TCERG1L: variants seen among roughly 807,000 people sequenced by gnomAD.
The protein encoded by TCERG1L is transcription elongation regulator 1 like, also known as transcription elongation regulator 1-like protein.
In TCERG1L, 37 loss-of-function variants were observed where a neutral mutation model predicts 56.3. The observed-to-expected ratio is 0.66, with a 90% CI of 0.51 to 0.87. TCERG1L has a LOEUF of 0.87. Among genes scored for constraint, TCERG1L ranks in the 40% least tolerant of loss-of-function variants. The pLI, the probability that TCERG1L is intolerant of heterozygous loss-of-function variation, is 0.00. For synonymous variants in TCERG1L, 324 were observed against 326.3 expected, an observed-to-expected ratio of 0.99 and a Z score of 0.08; for missense variants, 799 against 774.2, an observed-to-expected ratio of 1.03 and a Z score of -0.38.
intron 3 of TCERG1L, among the ~76,000 whole-genome samples, chr10:131,263,618 G>GT (rs2133546394): frequency 6.6e-6 from 1 of 152,268 alleles, no homozygotes; most frequent in South Asian, 2.1e-4. Flanking sequence ...CACCTCCATC[G>GT]TAATAGGTGC....
intron 4 of TCERG1L, among the ~76,000 whole-genome samples, chr10:131,168,049 T>G (rs1021546421): frequency 1.3e-5 from 2 of 152,154 alleles, no homozygotes; most frequent in African/African-American, 4.8e-5. Context: ...TTGTTTAGCT[T>G]GATCCAGAGC....
intron 9 of TCERG1L, among the ~76,000 whole-genome samples, chr10:131,110,911 C>G (rs1009990579): frequency 1.6e-5 from 2 of 127,624 alleles, no homozygotes; most frequent in Admixed American, 7.6e-5. Context: ...ACGGACAGGA[C>G]ACGACTGGAT....
chr10:131,125,029 T>C (rs899425020), intron 8 of TCERG1L, among the ~76,000 whole-genome samples: 1 of 152,248 alleles, frequency 6.6e-6, no homozygotes, highest in African/African-American at 2.4e-5. Context: ...ACAACCCCAC[T>C]GTCCAGGTGG....
At chr10:131,203,736 T>C (rs1321452626) in intron 4 of TCERG1L, among the ~76,000 whole-genome samples, 1 of 152,188 alleles carries the variant, frequency 6.6e-6, no homozygotes, top group Non-Finnish European at 1.5e-5. Context: ...AACTGCTGCT[T>C]CTGCTCACAT....
chr10:131,281,065 T>G (rs1020594781), intron 3 of TCERG1L, among the ~76,000 whole-genome samples: 7 of 152,226 alleles, frequency 4.6e-5, no homozygotes, highest in African/African-American at 9.6e-5. Flanking sequence ...GAAAATTCTT[T>G]TTCTCTTATC....
At chr10:131,285,469 A>G (rs1383625264) in intron 3 of TCERG1L, among the ~76,000 whole-genome samples, 1 of 11,680 alleles carries the variant, frequency 8.6e-5, no homozygotes, top group African/African-American at 2.4e-4. Flanking sequence ...GAAAGGGAAG[A>G]AAGAAAGAAA....
At chr10:131,303,155 G>C (rs1846784434) in intron 3 of TCERG1L, among the ~76,000 whole-genome samples, 1 of 152,050 alleles carries the variant, frequency 6.6e-6, no homozygotes, top group Non-Finnish European at 1.5e-5. Flanking sequence ...TAATGAGATT[G>C]CTGGTTCAAA....
chr10:131,256,584 C>G (rs1846166171), intron 4 of TCERG1L, among the ~76,000 whole-genome samples: 1 of 152,016 alleles, frequency 6.6e-6, no homozygotes, highest in Non-Finnish European at 1.5e-5. Context: ...TGCTGTCTTT[C>G]TTAAAAGAAG....
At chr10:131,204,651 T>C (rs1385498737) in intron 4 of TCERG1L, among the ~76,000 whole-genome samples, 1 of 152,174 alleles carries the variant, frequency 6.6e-6, no homozygotes, top group Non-Finnish European at 1.5e-5. Context: ...AGGACATCTG[T>C]CCAGTGTCCT....
Position 131,267,755 on chromosome 10 carries a change from C to T in TCERG1L, c.671-7311G>A, listed in dbSNP as rs1846301178. On this transcript the variant is annotated intron_variant, in intron 3 of 11. Coordinates refer to ENST00000368642, the MANE Select transcript of TCERG1L (RefSeq NM_174937.4). This position sits in a 1 kb window ranked among gnomAD's most constrained non-coding sequence, Gnocchi z 4.9. ...GTGGCACAGTTGGCTGCCTTGGGGACATGGGGCACAGGGAACCCCACTGCT... is the reference window on the plus strand; with the variant it reads ...GTGGCACAGTTGGCTGCCTTGGGGATATGGGGCACAGGGAACCCCACTGCT... Among the ~76,000 whole-genome samples the T allele has an allele frequency of 1.3e-5, 2 of 152,198 alleles. No individual in the cohort carries two copies. The highest frequency in any genetic ancestry group is 1.3e-4 in the Admixed American group (2 of 15,276).
At chr10:131,156,399 T>C (rs1426099076) in intron 6 of TCERG1L, 1 of 151,840 alleles carries the variant, frequency 6.6e-6, no homozygotes, top group Non-Finnish European at 1.5e-5. Flanking sequence ...GAAAATGAAG[T>C]CACAACTAAG....
intron 6 of TCERG1L, among the ~76,000 whole-genome samples, chr10:131,153,709 G>A (rs768436689): frequency 3.9e-5 from 6 of 152,208 alleles, no homozygotes; most frequent in Admixed American, 3.3e-4. Flanking sequence ...GGTGCATTCC[G>A]ATGCTGGGAG....
intron 4 of TCERG1L, among the ~76,000 whole-genome samples, chr10:131,171,029 C>T (rs1399621329): frequency 1.3e-5 from 2 of 151,970 alleles, no homozygotes; most frequent in East Asian, 1.9e-4. Context: ...GCCTGTAATC[C>T]CAGCTACTCA....
At chr10:131,106,050 G>C (rs1299565207) in intron 9 of TCERG1L, among the ~76,000 whole-genome samples, 4 of 152,180 alleles carry the variant, frequency 2.6e-5, no homozygotes. Context: ...TTCCTAGAAC[G>C]GTGTTAGAAA....
intron 4 of TCERG1L, among the ~76,000 whole-genome samples, chr10:131,212,395 A>G (rs1374615660): frequency 6.6e-6 from 1 of 152,216 alleles, no homozygotes; most frequent in Non-Finnish European, 1.5e-5. Flanking sequence ...CAAATGCATG[A>G]TGGGAAACTC....
At chr10:131,145,832 G>C (rs369469975) in intron 7 of TCERG1L, among the ~76,000 whole-genome samples, 1 of 152,224 alleles carries the variant, frequency 6.6e-6, no homozygotes, top group Non-Finnish European at 1.5e-5. Context: ...AGTCAAGACC[G>C]TTTGAATCCA....
Position 131,260,467 on chromosome 10 carries a change from G to T in TCERG1L, c.671-23C>A. The T allele has an allele frequency of 2.2e-6, 3 of 1,377,490 alleles. No homozygotes were observed. The highest frequency in any genetic ancestry group is 2.8e-6 in the Non-Finnish European group (3 of 1,061,854). 85.3% of individuals were successfully genotyped at this position (1,377,490 alleles called of 1,614,324 possible). A position where few individuals can be genotyped will look rare whatever the true frequency, so the allele number is the denominator to read the frequency against. ...CACCTGCGGAAGAGGGATGCAGAGG[G>T]TCAGCAAGGGGACGACCAGGGCCAT... On this transcript the variant is annotated intron_variant, in intron 3 of 11. Transcript: ENST00000368642. This position sits in a 1 kb window ranked among gnomAD's most constrained non-coding sequence, Gnocchi z 5.8.
intron 4 of TCERG1L, among the ~76,000 whole-genome samples, chr10:131,236,105 C>T (rs1336419999): frequency 6.6e-6 from 1 of 152,150 alleles, no homozygotes; most frequent in Non-Finnish European, 1.5e-5. Context: ...CATGGCAGGA[C>T]GACTCTTGCA....
At chr10:131,294,364 A>G (rs1846666356) in intron 3 of TCERG1L, among the ~76,000 whole-genome samples, 1 of 152,124 alleles carries the variant, frequency 6.6e-6, no homozygotes, top group Non-Finnish European at 1.5e-5. Flanking sequence ...TAAACCAAGC[A>G]GAATCTCTGA....
Sources: gnomAD v4.1 joint callset for allele counts (sites outside exome capture counted in the v4.1 genomes callset) on GRCh38, gnomAD v4.1.1 for gene constraint, Gnocchi (gnomAD v3.1) non-coding constraint, MANE v1.5 for transcripts, NCBI Gene and HGNC (gene_info 2026-07-23, HGNC 2026-07-21) for gene names.